The following FAM20A variants were observed in gnomAD, a reference collection of about 807,000 sequenced individuals.
FAM20A encodes pseudokinase FAM20A.
FAM20A carries 42 observed loss-of-function variants against 52.0 expected under a neutral mutation model. The ratio of observed to expected loss-of-function variants is 0.81; its 90% CI spans 0.63 to 1.04. The LOEUF (loss-of-function observed/expected upper bound fraction) is 1.04. Ranked by LOEUF, FAM20A falls within the 50% of genes least tolerant of loss-of-function variation. FAM20A has a pLI of 0.00. For synonymous variants in FAM20A, 304 were observed against 298.9 expected (o/e 1.02, Z -0.18); for missense variants, 742 against 712.7 (o/e 1.04, Z -0.47).
At chr17:68,580,537 G>A (rs2087913521) in intron 1 of FAM20A, among the ~76,000 whole-genome samples, 1 of 152,220 alleles carries the variant, frequency 6.6e-6, no homozygotes, top group South Asian at 2.1e-4. Flanking sequence ...CCCTGGCTCA[G>A]CACTTAAGTA....
At chr17:68,592,438 C>T (rs1391372289) in intron 1 of FAM20A, among the ~76,000 whole-genome samples, 2 of 152,130 alleles carry the variant, frequency 1.3e-5, no homozygotes, top group Non-Finnish European at 2.9e-5. Context: ...TTGAATTGGC[C>T]AGGAGAGACA....
In FAM20A at chr17:68,571,987, C is replaced by CATAT. The variant is rs57442973; in HGVS notation, c.405-16248_405-16245dup. Among the ~76,000 whole-genome samples the CATAT allele has an allele frequency of 4.4e-3, 194 of 43,600 alleles. 3 individuals carry two copies. Among genetic ancestry groups the CATAT allele is most frequent in the South Asian group, 9.1e-3 (9 of 992 alleles). 28.6% of individuals were successfully genotyped at this position (43,600 alleles called of 152,430 possible). A position where few individuals can be genotyped will look rare whatever the true frequency, so the allele number is the denominator to read the frequency against. On this transcript the variant is annotated intron_variant, in intron 1 of 10. Transcript: ENST00000592554. ...ATATATATGTGTGTGTATATACATACATATATATATATATATATATATATA... is the reference window on the plus strand; with the variant it reads ...ATATATATGTGTGTGTATATACATACATATATATATATATATATATATATATATA...
At position 68,577,190 on chromosome 17, in the gene FAM20A, T is replaced by C. The variant is rs1406705749; in HGVS notation, c.405-21447A>G. 3.3e-5 allele frequency among the ~76,000 whole-genome samples: 5 copies of C among 152,280 alleles called. No individual in the cohort carries two copies. In the East Asian group the frequency reaches 9.7e-4, roughly 29 times the overall value. ...GAAAGACAGTCAAGGCTTGCAGAAG[T>C]CCTGCCATGACGGCTCCTGCTCAGA... On this transcript the variant is annotated intron_variant, in intron 1 of 10. Coordinates refer to ENST00000592554, the MANE Select transcript of FAM20A (RefSeq NM_017565.4).
chr17:68,580,901 A>T (rs2087924951), intron 1 of FAM20A, among the ~76,000 whole-genome samples: 2 of 152,162 alleles, frequency 1.3e-5, no homozygotes, highest in Admixed American at 6.5e-5. Context: ...AGCAAAAATG[A>T]CACCTCCAAG....
chr17:68,560,392 C>G (rs750407453), intron 1 of FAM20A, among the ~76,000 whole-genome samples: 75 of 151,644 alleles, frequency 4.9e-4, no homozygotes, highest in Non-Finnish European at 5.7e-4. Context: ...ATCTCTCCCA[C>G]TATGTGAAGA....
intron 4 of FAM20A, chr17:68,551,358 C>A: frequency 2.7e-6 from 1 of 375,840 alleles, no homozygotes; most frequent in Non-Finnish European, 4.7e-6. Context: ...TCTAGTTTTT[C>A]AGTTGAAACA....
At chr17:68,569,504 A>G (rs950378584) in intron 1 of FAM20A, among the ~76,000 whole-genome samples, 1 of 152,196 alleles carries the variant, frequency 6.6e-6, no homozygotes, top group African/African-American at 2.4e-5. Context: ...TTAAATGAAA[A>G]CAAGCTTCCT....
At chr17:68,541,918 A>C in intron 7 of FAM20A, 67 bp downstream of exon 7, 2 of 1,530,306 alleles carry the variant, frequency 1.3e-6, no homozygotes, top group Non-Finnish European at 1.8e-6. Context: ...AGCTAGCAAC[A>C]AGTCCCTGGT....
rs2907389 is a variant in FAM20A at position 68,601,328 on chromosome 17, C to G, written c.-662G>C. 2,453 of 152,756 alleles carry G rather than the reference C, an allele frequency of 0.016. 66 individuals are homozygous for G. The highest frequency in any genetic ancestry group is 0.052 in the African/African-American group (2,181 of 41,550). The allele number at this position is 152,756 out of a possible 1,614,324, so 9.5% of individuals were successfully genotyped here. A position where few individuals can be genotyped will look rare whatever the true frequency, so the allele number is the denominator to read the frequency against. On this transcript the variant is annotated 5_prime_UTR_variant, in exon 1 of 11. Transcript: ENST00000592554. ...CCTGGCGCCGGCACCCCCACCCACT[C>G]TCCGCTGGCACCTGCCTCTGGCGCA... is the stretch of plus-strand genomic sequence containing the variant.
chr17:68,581,826 G>C (rs1436700059), intron 1 of FAM20A, among the ~76,000 whole-genome samples: 2 of 151,974 alleles, frequency 1.3e-5, no homozygotes, highest in African/African-American at 4.8e-5. Flanking sequence ...TGCCTGCTTT[G>C]GCCTCCCAAA....
At position 68,600,394 on chromosome 17, in the gene FAM20A, C is replaced by T. The variant is rs1359091440; in HGVS notation, c.273G>A (p.Lys91=). 6.2e-7 allele frequency: 1 copy of T among 1,609,452 alleles called. No homozygotes were observed. Among genetic ancestry groups the T allele is most frequent in the Admixed American group, 1.7e-5 (1 of 59,716 alleles). Residue 91 remains lysine, a synonymous_variant, in exon 1 of 11, where the codon AAG becomes AAA. Coordinates refer to ENST00000592554, the MANE Select transcript of FAM20A (RefSeq NM_017565.4). The surrounding 1 kb of genome is among the most constrained non-coding windows in gnomAD (Gnocchi z 6.2). Reference sequence around the variant, plus strand: ...GCGGGTGGGCGAAGAGGGCCTGCAACTTGGAGCTCGACCCGCTGTGGCTGC... The same window carrying T: ...GCGGGTGGGCGAAGAGGGCCTGCAATTTGGAGCTCGACCCGCTGTGGCTGC... The part of the protein sequence containing the change: ...AGGSHSGSSS[K]LQALFAHPLY...
intron 1 of FAM20A, among the ~76,000 whole-genome samples, chr17:68,572,477 G>T (rs1334150180): frequency 6.6e-6 from 1 of 152,184 alleles, no homozygotes; most frequent in Non-Finnish European, 1.5e-5. Flanking sequence ...CATCAGAGCA[G>T]TAACACTGAG....
intron 1 of FAM20A, among the ~76,000 whole-genome samples, chr17:68,571,683 C>CT (rs2087538370): frequency 6.6e-6 from 1 of 151,674 alleles, no homozygotes; most frequent in East Asian, 1.9e-4. Context: ...GGTTGTTTTT[C>CT]TTTTTTTTCC....
chr17:68,560,353 A>G (rs1405021863), intron 1 of FAM20A, among the ~76,000 whole-genome samples: 1 of 152,018 alleles, frequency 6.6e-6, no homozygotes, highest in East Asian at 1.9e-4. Flanking sequence ...CAAAAAAAAA[A>G]AAAAAAAGAG....
intron 1 of FAM20A, among the ~76,000 whole-genome samples, chr17:68,567,541 G>A (rs1947924705): frequency 6.6e-6 from 1 of 151,898 alleles, no homozygotes; most frequent in Admixed American, 6.6e-5. Context: ...TTATGAAGGT[G>A]CTCCCTGGAG....
rs189268723 is a variant in FAM20A at position 68,549,098 on chromosome 17, C to T, written c.719+2775G>A. 1.1e-4 allele frequency among the ~76,000 whole-genome samples: 16 copies of T among 152,282 alleles called. No individual in the cohort carries two copies. The East Asian group carries it at 2.9e-3, about 28-fold the overall frequency. On this transcript the variant is annotated intron_variant, in intron 4 of 10. Coordinates refer to ENST00000592554, the MANE Select transcript of FAM20A (RefSeq NM_017565.4). ...GCTGTGAGTTATGTTAATTTATTTT[C>T]CTGCAAAGGAAATGCTACAGGTTCT...
chr17:68,546,384 T>C (rs1199550438), intron 4 of FAM20A, among the ~76,000 whole-genome samples: 1 of 152,022 alleles, frequency 6.6e-6, no homozygotes, highest in Non-Finnish European at 1.5e-5. Context: ...CTGTTAATGT[T>C]GATATTTTTA....
chr17:68,554,467 T>C (rs2086996992), intron 3 of FAM20A, among the ~76,000 whole-genome samples: 2 of 152,188 alleles, frequency 1.3e-5, no homozygotes, highest in Non-Finnish European at 2.9e-5. Context: ...CTCCAATCAC[T>C]TGAGGATTTT....
chr17:68,550,583 G>C (rs2086792092), intron 4 of FAM20A, among the ~76,000 whole-genome samples: 1 of 152,058 alleles, frequency 6.6e-6, no homozygotes, highest in East Asian at 1.9e-4. Flanking sequence ...GTTTCACCAT[G>C]ATGGCCAGGC....
Sources: gnomAD v4.1 joint callset for allele counts (sites outside exome capture counted in the v4.1 genomes callset) on GRCh38, gnomAD v4.1.1 for gene constraint, Gnocchi (gnomAD v3.1) non-coding constraint, MANE v1.5 for transcripts, NCBI Gene and HGNC (gene_info 2026-07-23, HGNC 2026-07-21) for gene names.